AXDND1: variants seen among roughly 807,000 people sequenced by gnomAD.
The protein encoded by AXDND1 is axonemal dynein light chain domain-containing protein 1.
In AXDND1, 110 loss-of-function variants were observed where a neutral mutation model predicts 137.5. That is an observed-to-expected ratio of 0.80 (90% confidence interval 0.69 to 0.94). The LOEUF (loss-of-function observed/expected upper bound fraction) is 0.94, where lower values mean the gene tolerates loss of function less well. Among genes scored for constraint, AXDND1 ranks in the 40% least tolerant of loss-of-function variants. AXDND1 has a pLI of 0.00. For missense variants in AXDND1, 1,191 were observed against 1,169.8 expected, an observed-to-expected ratio of 1.02 and a Z score of -0.26; for synonymous variants, 414 against 399.7, an observed-to-expected ratio of 1.04 and a Z score of -0.43.
intron 14 of AXDND1, among the ~76,000 whole-genome samples, chr1:179,431,916 T>G (rs944639683): frequency 5.9e-5 from 9 of 152,222 alleles, no homozygotes; most frequent in Non-Finnish European, 8.8e-5. Flanking sequence ...TGAGTCTTAA[T>G]CACTGTAAAG....
At chr1:179,422,676 C>T (rs907080502) in intron 12 of AXDND1, among the ~76,000 whole-genome samples, 2 of 152,068 alleles carry the variant, frequency 1.3e-5, no homozygotes, top group African/African-American at 2.4e-5. Context: ...AGTTTAACTC[C>T]GTTTTTTGTT....
intron 21 of AXDND1, among the ~76,000 whole-genome samples, chr1:179,524,196 G>A (rs184613078): frequency 6.6e-6 from 1 of 152,060 alleles, no homozygotes; most frequent in East Asian, 1.9e-4. Flanking sequence ...TTTTTCTCTG[G>A]GTAGATACCC....
At chr1:179,536,349 T>A (rs907353441) in intron 25 of AXDND1, among the ~76,000 whole-genome samples, 18 of 152,200 alleles carry the variant, frequency 1.2e-4, no homozygotes, top group South Asian at 8.3e-4. Context: ...TTTTAGGTCT[T>A]ACATTTAAGT....
Position 179,378,650 on chromosome 1 carries a change from C to A in AXDND1, c.388C>A (p.Leu130Met). Residue 130 changes from leucine (L) to methionine (M), a missense_variant, in exon 5 of 26, where the codon CTG becomes ATG. Leu to Met is a conservative substitution (Grantham distance 15). Transcript: ENST00000367618. ...CTTACTTTTTAGGGATATTTCTTTT[C>A]TGTACGATGTAACATATGCCAAAGG... ...LTGAGRDISFLYDVTYAKGQT... is the reference protein window; with the variant it reads ...LTGAGRDISFMYDVTYAKGQT... 1 of 1,582,754 alleles carries A rather than the reference C, an allele frequency of 6.3e-7. No individual in the cohort carries two copies. Among genetic ancestry groups the A allele is most frequent in the South Asian group, 1.2e-5 (1 of 85,406 alleles).
intron 16 of AXDND1, chr1:179,447,831 G>A (rs1659959635): frequency 8.5e-6 from 11 of 1,296,228 alleles, no homozygotes; most frequent in Non-Finnish European, 1.2e-5. Context: ...AGTCTGTAGT[G>A]CCCAACATCC....
chr1:179,500,976 T>C (rs1190100116), intron 20 of AXDND1, among the ~76,000 whole-genome samples: 1 of 152,180 alleles, frequency 6.6e-6, no homozygotes, highest in Non-Finnish European at 1.5e-5. Flanking sequence ...CTGGCTGAAT[T>C]AATTTAAATT....
chr1:179,402,372 A>G (rs974858573), intron 11 of AXDND1, among the ~76,000 whole-genome samples: 1 of 152,062 alleles, frequency 6.6e-6, no homozygotes, highest in African/African-American at 2.4e-5. Context: ...CACCCTCTTT[A>G]TAAGCTGATG....
At position 179,423,741 on chromosome 1, in the gene AXDND1, T is replaced by C. The variant is rs150531138; in HGVS notation, c.1231-5777T>C. On this transcript the variant is annotated intron_variant, in intron 12 of 25. Transcript: ENST00000367618. ...TGAAAAAAATACGCTTTAACTCTAT[T>C]CTCCTCAACATTTTGACTTTTAGTT... Among the ~76,000 whole-genome samples, 206 of 152,286 alleles carry C rather than the reference T, an allele frequency of 1.4e-3. 2 individuals carry two copies. The highest frequency in any genetic ancestry group is 4.8e-3 in the African/African-American group (199 of 41,560).
At position 179,430,446 on chromosome 1, in the gene AXDND1, A is replaced by AT. The variant is rs1312921317; in HGVS notation, c.1333-5dup. ...TATATTATTTGATTCTATGCATTTT[A>AT]TATAGGACACTGAAGACCTTGCACT... is the stretch of plus-strand genomic sequence containing the variant. On this transcript the variant is annotated splice_polypyrimidine_tract_variant and splice_region_variant and intron_variant, in intron 13 of 25. Transcript: ENST00000367618. 6.2e-7 allele frequency: 1 copy of AT among 1,600,284 alleles called. No homozygotes were observed. The highest frequency in any genetic ancestry group is 1.1e-5 in the South Asian group (1 of 89,022).
rs560692702 is a variant in AXDND1 at position 179,373,660 on chromosome 1, C to T, written c.374+3582C>T. Among the ~76,000 whole-genome samples, 28 of 152,046 alleles carry T rather than the reference C, an allele frequency of 1.8e-4. 1 individual carries two copies. In the South Asian group the frequency reaches 3.5e-3, roughly 19 times the overall value. ...ACCAACGGAACAGAACAGAGGCCTC[C>T]GAAATAACACCACACATTTACAACC... On this transcript the variant is annotated intron_variant, in intron 4 of 25. Coordinates refer to ENST00000367618, the MANE Select transcript of AXDND1 (RefSeq NM_144696.6).
intron 16 of AXDND1, among the ~76,000 whole-genome samples, chr1:179,460,569 A>G (rs1228559417): frequency 6.6e-6 from 1 of 152,206 alleles, no homozygotes; most frequent in Non-Finnish European, 1.5e-5. Context: ...ATACCCAGCA[A>G]TGGAATGGCT....
intron 22 of AXDND1, among the ~76,000 whole-genome samples, chr1:179,527,684 A>G (rs891456369): frequency 6.6e-6 from 1 of 152,168 alleles, no homozygotes; most frequent in Admixed American, 6.5e-5. Context: ...TTCTGAGGAT[A>G]CCCAACTCTG....
chr1:179,534,567 C>A, intron 24 of AXDND1, 163 bp from the exon 25 acceptor site: 1 of 807,824 alleles, frequency 1.2e-6, no homozygotes, highest in Non-Finnish European at 1.8e-6. Flanking sequence ...AGAGTCGCTC[C>A]TGGGCCCCCA....
rs78821888 is a variant in AXDND1, at chr1:179,491,869, A to G, written c.2291+132A>G. On this transcript the variant is annotated intron_variant, in intron 19 of 25. Transcript: ENST00000367618. ...GAAATACTAGTTCAGTTTTTCAACT[A>G]GCTTTAACACTGTGAGCAGTTATAA... The G allele has an allele frequency of 8.1e-3, 6,599 of 811,966 alleles. 345 individuals are homozygous for G. In the African/African-American group the frequency reaches 0.1, roughly 13 times the overall value. 50.3% of individuals were successfully genotyped at this position (811,966 alleles called of 1,614,324 possible). A position where few individuals can be genotyped will look rare whatever the true frequency, so the allele number is the denominator to read the frequency against.
chr1:179,527,774 G>A lies in AXDND1; in HGVS notation c.2611-553G>A, dbSNP rs142447390. Reference sequence around the variant, plus strand: ...CCTGAATTTTATCCTGTGTGAGATCGAAGAACCTGCTCTTGGGGTCTGGGA... The same window carrying A: ...CCTGAATTTTATCCTGTGTGAGATCAAAGAACCTGCTCTTGGGGTCTGGGA... On this transcript the variant is annotated intron_variant, in intron 22 of 25. Transcript: ENST00000367618. Among the ~76,000 whole-genome samples, 63 of 152,232 alleles carry A rather than the reference G, an allele frequency of 4.1e-4. 2 individuals carry two copies. In the East Asian group the frequency reaches 0.011, roughly 27 times the overall value.
chr1:179,437,418 G>T (rs1178698301), intron 15 of AXDND1, among the ~76,000 whole-genome samples: 1 of 152,224 alleles, frequency 6.6e-6, no homozygotes, highest in Non-Finnish European at 1.5e-5. Flanking sequence ...GAGCCTGGTG[G>T]CAGGGAGTGA....
intron 12 of AXDND1, among the ~76,000 whole-genome samples, chr1:179,414,051 A>G (rs996812103): frequency 6.6e-6 from 1 of 152,178 alleles, no homozygotes; most frequent in African/African-American, 2.4e-5. Flanking sequence ...TTAGCCTTTA[A>G]TAATGTTGCT....
intron 11 of AXDND1, among the ~76,000 whole-genome samples, chr1:179,409,290 GT>G (rs1653482811): frequency 6.6e-6 from 1 of 151,858 alleles, no homozygotes; most frequent in South Asian, 2.1e-4. Flanking sequence ...ATTTTTGTAT[GT>G]TGATTTTGTA....
Position 179,370,056 on chromosome 1 carries a change from G to A in AXDND1, c.352G>A (p.Val118Ile), listed in dbSNP as rs1342921246. The stretch of plus-strand genomic sequence containing the variant: ...ATTCAAATACCTGATTGACCATCCC[G>A]TCTCCCTCACAGGAGCTGGAAGGTA... The part of the protein sequence containing the change: ...NKFKYLIDHP[V>I]SLTGAGRDIS... The change falls in exon 4 of 26, where the codon GTC becomes ATC. Residue 118 changes from valine to isoleucine, a missense_variant. Transcript: ENST00000367618. The A allele has an allele frequency of 3.7e-6, 6 of 1,612,678 alleles. No homozygotes were observed. Among genetic ancestry groups the A allele is most frequent in the African/African-American group, 2.7e-5 (2 of 74,894 alleles).
Sources: allele counts gnomAD v4.1 joint callset (sites outside exome capture counted in the v4.1 genomes callset), GRCh38; gene constraint gnomAD v4.1.1; transcripts MANE v1.5; gene names NCBI Gene and HGNC (gene_info 2026-07-23, HGNC 2026-07-21).